Variants in PCSK5 observed in about 807,000 individuals in gnomAD.
PCSK5 encodes the protein prohormone convertase 5.
In PCSK5, 129 loss-of-function variants were observed where a neutral mutation model predicts 233.2. That is an observed-to-expected ratio of 0.55 (90% CI 0.48 to 0.64). The LOEUF is 0.64. PCSK5 is among the 30% of genes least tolerant of loss of function. PCSK5 has a pLI of 0.00. For synonymous variants in PCSK5, 825 were observed against 879.2 expected, an observed-to-expected ratio of 0.94 and a Z score of 1.09; for missense variants, 2,076 against 2,430.1, an observed-to-expected ratio of 0.85 and a Z score of 3.06.
chr9:76,099,556 A>C (rs1304310397), intron 8 of PCSK5, among the ~76,000 whole-genome samples: 1 of 152,192 alleles, frequency 6.6e-6, no homozygotes. Context: ...CACTCATCCC[A>C]TAAAGAAAGA....
chr9:76,210,730 T>C (rs754437956), intron 20 of PCSK5, among the ~76,000 whole-genome samples: 5 of 152,120 alleles, frequency 3.3e-5, no homozygotes, highest in Non-Finnish European at 7.4e-5. Flanking sequence ...AATGACAGAA[T>C]TGGCGTGGGG....
rs1831016068 is a variant in PCSK5, at chr9:76,085,218, ATCT to A, written c.895-10668_895-10666del. ...CACCAAAGTGAACACTACAACAAAGATCTTCTCTGAGTTCCTGGAGAATTGATC... is the reference window on the plus strand; with the variant it reads ...CACCAAAGTGAACACTACAACAAAGATCTCTGAGTTCCTGGAGAATTGATC... On this transcript the variant is annotated intron_variant, in intron 7 of 37. Coordinates refer to ENST00000674117, the MANE Select transcript of PCSK5 (RefSeq NM_001372043.1). Among the ~76,000 whole-genome samples, 5 of 152,086 alleles carry A rather than the reference ATCT, an allele frequency of 3.3e-5. No individual in the cohort carries two copies. In the South Asian group the frequency reaches 1.0e-3, roughly 32 times the overall value.
chr9:76,188,742 A>G (rs1824224356), intron 18 of PCSK5, 67 bp downstream of exon 18: 1 of 1,133,000 alleles, frequency 8.8e-7, no homozygotes. Flanking sequence ...GGTTTGGGCC[A>G]TCACTCATGC....
At chr9:76,030,519 G>A (rs1467426720) in intron 5 of PCSK5, among the ~76,000 whole-genome samples, 1 of 152,240 alleles carries the variant, frequency 6.6e-6, no homozygotes, top group African/African-American at 2.4e-5. Flanking sequence ...CTGATGACAT[G>A]TATTGAGACA....
intron 11 of PCSK5, among the ~76,000 whole-genome samples, chr9:76,157,859 A>C (rs1347285829): frequency 2.0e-5 from 3 of 152,244 alleles, no homozygotes; most frequent in African/African-American, 7.2e-5. Flanking sequence ...AAGGGTGGAA[A>C]GTTAACCAGT....
At chr9:75,952,610 T>C (rs1464171277) in intron 2 of PCSK5, among the ~76,000 whole-genome samples, 1 of 152,180 alleles carries the variant, frequency 6.6e-6, no homozygotes. Flanking sequence ...TGGGTCCCTT[T>C]ATATTCAGCT....
chr9:76,253,197 T>C (rs1826868809), intron 24 of PCSK5, among the ~76,000 whole-genome samples: 1 of 151,688 alleles, frequency 6.6e-6, no homozygotes, highest in Non-Finnish European at 1.5e-5. Context: ...CTGACCATCG[T>C]CTCCATGGGC....
At chr9:76,128,542 G>A (rs1278075362) in intron 9 of PCSK5, among the ~76,000 whole-genome samples, 1 of 152,094 alleles carries the variant, frequency 6.6e-6, no homozygotes, top group Non-Finnish European at 1.5e-5. Flanking sequence ...CATAATTTTT[G>A]TCTTTTACAT....
chr9:76,072,260 G>A (rs1441688928), intron 7 of PCSK5, among the ~76,000 whole-genome samples: 1 of 152,196 alleles, frequency 6.6e-6, no homozygotes, highest in Non-Finnish European at 1.5e-5. Flanking sequence ...ATTGCATAGT[G>A]ATGCCCCTTG....
At chr9:76,265,779 A>C (rs1359680058) in intron 24 of PCSK5, among the ~76,000 whole-genome samples, 1 of 152,196 alleles carries the variant, frequency 6.6e-6, no homozygotes, top group Non-Finnish European at 1.5e-5. Context: ...TAATATATAA[A>C]ACAAGTGGGT....
Position 75,895,914 on chromosome 9 carries a change from A to G in PCSK5, c.192+4541A>G, listed in dbSNP as rs77887035. Among the ~76,000 whole-genome samples the G allele has an allele frequency of 4.1e-3, 617 of 152,316 alleles. 20 individuals carry two copies. In the East Asian group the frequency reaches 0.058, roughly 14 times the overall value. ...GCTTGAAATGTTGATTCACATGGGC[A>G]GTGAATTCTGGGTGCTTATGGATAG... On this transcript the variant is annotated intron_variant, in intron 1 of 37. Transcript: ENST00000674117.
intron 2 of PCSK5, among the ~76,000 whole-genome samples, chr9:75,963,155 TC>T (rs1434735619): frequency 1.3e-5 from 2 of 152,174 alleles, no homozygotes; most frequent in African/African-American, 2.4e-5. Context: ...AGTTAAAAGA[TC>T]AGATTGGGCC....
chr9:76,027,141 T>C (rs1828460573), intron 5 of PCSK5, 104 bp downstream of exon 5: 2 of 660,752 alleles, frequency 3.0e-6, no homozygotes, highest in Non-Finnish European at 2.6e-6. Context: ...TAACATATGA[T>C]TGCTAATTTG....
At chr9:76,246,094 A>G (rs1204709945) in intron 24 of PCSK5, among the ~76,000 whole-genome samples, 1 of 152,124 alleles carries the variant, frequency 6.6e-6, no homozygotes, top group Non-Finnish European at 1.5e-5. Context: ...AGCACTTTGT[A>G]CTTTGGGAGG....
chr9:76,330,617 T>A (rs150647223), intron 33 of PCSK5, among the ~76,000 whole-genome samples: 75 of 152,118 alleles, frequency 4.9e-4, no homozygotes, highest in African/African-American at 1.8e-3. Context: ...ATTTTAAATT[T>A]AAAAATTTTA....
At position 76,352,788 on chromosome 9, in the gene PCSK5, G is replaced by A. The variant is rs140328600; in HGVS notation, c.5068-1245G>A. On this transcript the variant is annotated intron_variant, in intron 36 of 37. Transcript: ENST00000674117. The stretch of plus-strand genomic sequence containing the variant: ...CACTCTTTAAATTCTGGCAACAGCC[G>A]TCATTACAGTTTAGAGAAACTGAGG... Among the ~76,000 whole-genome samples, 487 of 151,940 alleles carry A rather than the reference G, an allele frequency of 3.2e-3. 3 individuals carry two copies. The highest frequency in any genetic ancestry group is 0.011 in the African/African-American group (463 of 41,426).
chr9:76,148,763 C>A (rs1040466012), intron 10 of PCSK5, among the ~76,000 whole-genome samples: 3 of 152,226 alleles, frequency 2.0e-5, no homozygotes, highest in African/African-American at 4.8e-5. Context: ...TATGATCTCA[C>A]ATGCCTGCAC....
intron 1 of PCSK5, among the ~76,000 whole-genome samples, chr9:75,896,507 G>A (rs1825813535): frequency 1.3e-5 from 2 of 152,112 alleles, no homozygotes; most frequent in African/African-American, 2.4e-5. Flanking sequence ...GGGCAGGGAG[G>A]GATATTTTTG....
In PCSK5 at chr9:76,308,646, T is replaced by C; in HGVS notation, c.3606T>C (p.Asp1202=). The C allele has an allele frequency of 6.3e-7, 1 of 1,578,234 alleles. No homozygotes were observed. ...RRRWKVQIKR[D]ILRKLQPCHS... is the part of the protein sequence containing the mutation. ...AACTGTTGTTTCTTTCTCATACAGA[T>C]ATTTTGAGAAAACTCCAGCCTTGTC... The change falls in exon 29 of 38, where the codon GAT becomes GAC. Residue 1202 remains aspartate (D), a splice_region_variant and synonymous_variant. Transcript: ENST00000674117.
Sources: gnomAD v4.1 joint callset for allele counts (sites outside exome capture counted in the v4.1 genomes callset) on GRCh38, gnomAD v4.1.1 for gene constraint, MANE v1.5 for transcripts, NCBI Gene and HGNC (gene_info 2026-07-23, HGNC 2026-07-21) for gene names.